The following KANK1 variants were observed in gnomAD, a reference collection of about 807,000 sequenced individuals.
KANK1 encodes the protein KN motif and ankyrin repeat domain-containing protein 1.
In KANK1, 109 loss-of-function variants were observed where a neutral mutation model predicts 106.2. That is an observed-to-expected ratio of 1.03 (90% CI 0.88 to 1.20). The LOEUF (loss-of-function observed/expected upper bound fraction) is 1.20, where lower values mean the gene tolerates loss of function less well. Ranked by LOEUF, KANK1 falls within the 50% of genes most tolerant of loss-of-function variation. The pLI is 0.00. For synonymous variants in KANK1, 873 were observed against 652.2 expected (o/e 1.34, Z -5.16); for missense variants, 2,399 against 1,710.7 (o/e 1.40, Z -7.10).
intron 1 of KANK1, among the ~76,000 whole-genome samples, chr9:613,039 G>A (rs146619732): frequency 6.6e-6 from 1 of 152,030 alleles, no homozygotes; most frequent in Non-Finnish European, 1.5e-5. Context: ...AAATGAGTGG[G>A]TGAAGATATT....
intron 8 of KANK1, among the ~76,000 whole-genome samples, chr9:740,549 A>T (rs575991254): frequency 2.6e-5 from 4 of 152,356 alleles, no homozygotes; most frequent in Admixed American, 6.5e-5. Flanking sequence ...GTTGCAAACA[A>T]GATACGCTGT....
intron 1 of KANK1, among the ~76,000 whole-genome samples, chr9:527,101 C>T (rs75646607): frequency 6.6e-6 from 1 of 151,610 alleles, no homozygotes; most frequent in African/African-American, 2.4e-5. Context: ...TGACTCATTC[C>T]CAAACTGAAG....
intron 1 of KANK1, among the ~76,000 whole-genome samples, chr9:518,549 T>C (rs974729062): frequency 6.6e-6 from 1 of 151,804 alleles, no homozygotes; most frequent in Non-Finnish European, 1.5e-5. Context: ...GCGAGGTGTA[T>C]GTTTTCTTTG....
intron 2 of KANK1, among the ~76,000 whole-genome samples, chr9:709,610 C>CTTTTTTT (rs60899850): frequency 7.3e-6 from 1 of 137,028 alleles, no homozygotes; most frequent in African/African-American, 2.7e-5. Flanking sequence ...GCTTTCATGT[C>CTTTTTTT]TTTTTTTTTT....
At chr9:600,207 C>T (rs1296603306) in intron 1 of KANK1, among the ~76,000 whole-genome samples, 2 of 151,720 alleles carry the variant, frequency 1.3e-5, no homozygotes, top group Non-Finnish European at 2.9e-5. Context: ...CCCCACCCCC[C>T]TCTTCCCCTG....
intron 1 of KANK1, among the ~76,000 whole-genome samples, chr9:507,772 G>A (rs140841097): frequency 7.6e-4 from 116 of 152,160 alleles, no homozygotes; most frequent in African/African-American, 2.6e-3. Flanking sequence ...TGGCCAGGAT[G>A]GTCTCAATCT....
chr9:567,019 A>C (rs868513863), intron 1 of KANK1, among the ~76,000 whole-genome samples: 1 of 152,120 alleles, frequency 6.6e-6, no homozygotes, highest in South Asian at 2.1e-4. Flanking sequence ...TGATTTTTGT[A>C]TATGATGTAA....
chr9:617,630 C>T (rs533252625), intron 1 of KANK1, among the ~76,000 whole-genome samples: 21 of 152,210 alleles, frequency 1.4e-4, no homozygotes, highest in African/African-American at 4.6e-4. Context: ...GGGAGGCACA[C>T]CAATATGGGT....
intron 3 of KANK1, among the ~76,000 whole-genome samples, chr9:488,267 T>A (rs947527435): frequency 6.6e-6 from 1 of 151,958 alleles, no homozygotes; most frequent in African/African-American, 2.4e-5. Context: ...CAATATCCAG[T>A]GTGGTGGGAA....
At chr9:579,164 G>C (rs903032241) in intron 1 of KANK1, among the ~76,000 whole-genome samples, 3 of 152,270 alleles carry the variant, frequency 2.0e-5, no homozygotes, top group Middle Eastern at 6.8e-3. Context: ...GAGGTATTCA[G>C]TTGAGGGCTG....
At chr9:636,725 G>C (rs922511823) in intron 1 of KANK1, among the ~76,000 whole-genome samples, 8 of 152,198 alleles carry the variant, frequency 5.3e-5, no homozygotes, top group African/African-American at 1.9e-4. Flanking sequence ...AAATTAGCCA[G>C]ATATGGTGGT....
At chr9:735,827 C>T (rs1417034835) in intron 7 of KANK1, 1 of 359,378 alleles carries the variant, frequency 2.8e-6, no homozygotes, top group Non-Finnish European at 5.9e-6. Context: ...AACCCTTTCT[C>T]TACTAAAAAT....
At chr9:487,495 T>C (rs569351538) in intron 3 of KANK1, among the ~76,000 whole-genome samples, 1 of 152,224 alleles carries the variant, frequency 6.6e-6, no homozygotes, top group African/African-American at 2.4e-5. Flanking sequence ...AGTGGGTTCA[T>C]TGGGATGTCA....
At chr9:656,746 A>C (rs1207733069) in intron 1 of KANK1, among the ~76,000 whole-genome samples, 4 of 152,162 alleles carry the variant, frequency 2.6e-5, no homozygotes, top group Non-Finnish European at 5.9e-5. Context: ...AAAAAAGCAG[A>C]GAATGTTCTG....
At chr9:556,386 TCTC>T (rs2061584079) in intron 1 of KANK1, among the ~76,000 whole-genome samples, 1 of 152,206 alleles carries the variant, frequency 6.6e-6, no homozygotes, top group South Asian at 2.1e-4. Flanking sequence ...TGAGTTGTGC[TCTC>T]CTCTGACTAC....
chr9:717,994 TGAACTC>T (rs1411632080), intron 3 of KANK1, among the ~76,000 whole-genome samples: 2 of 152,218 alleles, frequency 1.3e-5, no homozygotes, highest in Non-Finnish European at 2.9e-5. Context: ...CAAAAGTTAA[TGAACTC>T]GAAGTCATTC....
At chr9:666,482 G>A (rs1298463675) in intron 1 of KANK1, among the ~76,000 whole-genome samples, 1 of 151,670 alleles carries the variant, frequency 6.6e-6, no homozygotes, top group African/African-American at 2.4e-5. Flanking sequence ...GCTTTATGTT[G>A]AATGAAAGTA....
rs1825934678 is a variant in KANK1, at chr9:711,115, C to T, written c.349C>T (p.Pro117Ser). Reference sequence around the variant, plus strand: ...AGCCAGAAGTCAAGTTACATCAACTCCAATCTCAAAGCCACCTCCCCCTCT... The same window carrying T: ...AGCCAGAAGTCAAGTTACATCAACTTCAATCTCAAAGCCACCTCCCCCTCT... ...LIARSQVTST[P>S]ISKPPPPLET... is the part of the protein sequence containing the mutation. Residue 117 changes from proline (P) to serine (S), a missense_variant, in exon 3 of 12, where the codon CCA (proline) becomes TCA (serine). Pro to Ser is a moderately conservative substitution (Grantham distance 74, BLOSUM62 -1). Coordinates refer to ENST00000382297, the MANE Select transcript of KANK1 (RefSeq NM_015158.5). 1 of 1,614,032 alleles carries T rather than the reference C, an allele frequency of 6.2e-7. No homozygotes were observed. The highest frequency in any genetic ancestry group is 1.3e-5 in the African/African-American group (1 of 74,912).
intron 2 of KANK1, chr9:707,283 C>G: frequency 1.0e-6 from 1 of 964,236 alleles, no homozygotes; most frequent in Non-Finnish European, 1.2e-6. Flanking sequence ...GCGGCCACCG[C>G]TGGCCGAATT....
Sources: allele counts gnomAD v4.1 joint callset (sites outside exome capture counted in the v4.1 genomes callset), GRCh38; gene constraint gnomAD v4.1.1; transcripts MANE v1.5; gene names NCBI Gene and HGNC (gene_info 2026-07-23, HGNC 2026-07-21).